The following KLHL14 variants were observed in gnomAD, a reference collection of about 807,000 sequenced individuals.
The protein encoded by KLHL14 is kelch like family member 14.
KLHL14 carries 22 observed loss-of-function variants against 64.3 expected under a neutral mutation model. The observed-to-expected ratio is 0.34, with a 90% CI of 0.24 to 0.49. KLHL14 has a LOEUF of 0.49. Ranked by LOEUF, KLHL14 falls within the 20% of genes least tolerant of loss-of-function variation. KLHL14 has a pLI of 0.99. For missense variants in KLHL14, 661 were observed against 789.0 expected, an observed-to-expected ratio of 0.84 and a Z score of 1.94; for synonymous variants, 322 against 333.4, an observed-to-expected ratio of 0.97 and a Z score of 0.37.
intron 2 of KLHL14, among the ~76,000 whole-genome samples, chr18:32,760,803 A>G (rs1242091968): frequency 6.6e-6 from 1 of 152,242 alleles, no homozygotes; most frequent in Non-Finnish European, 1.5e-5. Flanking sequence ...AAAGACATTT[A>G]TAACTCAACC....
chr18:32,684,722 C>T (rs543169112), intron 5 of KLHL14, among the ~76,000 whole-genome samples: 2 of 152,316 alleles, frequency 1.3e-5, no homozygotes, highest in South Asian at 4.1e-4. Context: ...CATTCATGAT[C>T]TACACAATGT....
intron 3 of KLHL14, among the ~76,000 whole-genome samples, chr18:32,698,982 A>ATGAG (rs1248486614): frequency 6.6e-6 from 1 of 152,210 alleles, no homozygotes; most frequent in Non-Finnish European, 1.5e-5. Flanking sequence ...ACTCTGCAGA[A>ATGAG]TGACTAATCA....
At chr18:32,766,909 C>T (rs2050348891) in intron 2 of KLHL14, among the ~76,000 whole-genome samples, 1 of 152,070 alleles carries the variant, frequency 6.6e-6, no homozygotes. Flanking sequence ...AATATCTCTA[C>T]TTTCTATAGA....
Position 32,769,691 on chromosome 18 carries a change from G to A in KLHL14, c.901C>T (p.His301Tyr). ...CAGTGCTGCCTGAAGGGCATCAGGTGGTAGTTCATGGCGTCCAGCAGCAGC... is the reference window on the plus strand; with the variant it reads ...CAGTGCTGCCTGAAGGGCATCAGGTAGTAGTTCATGGCGTCCAGCAGCAGC... ...QKLLLDAMNY[H>Y]LMPFRQHCRQ... Residue 301 changes from histidine to tyrosine, a missense_variant, in exon 2 of 9, where the codon CAC (histidine) becomes TAC (tyrosine). This residue lies in a region of KLHL14 where 330 missense variants were observed against 450.0 expected (regional missense o/e 0.73). Coordinates refer to ENST00000359358, the MANE Select transcript of KLHL14 (RefSeq NM_020805.3). 1 of 1,565,810 alleles carries A rather than the reference G, an allele frequency of 6.4e-7. No individual in the cohort carries two copies. Among genetic ancestry groups the A allele is most frequent in the Non-Finnish European group, 8.7e-7 (1 of 1,153,310 alleles).
intron 2 of KLHL14, among the ~76,000 whole-genome samples, chr18:32,766,128 A>C (rs1309994095): frequency 1.3e-5 from 2 of 152,018 alleles, no homozygotes; most frequent in African/African-American, 4.8e-5. Flanking sequence ...TCATAATCTT[A>C]ATTCATTCAA....
intron 8 of KLHL14, among the ~76,000 whole-genome samples, chr18:32,676,839 TAC>T (rs2049813530): frequency 6.6e-6 from 1 of 152,188 alleles, no homozygotes; most frequent in Non-Finnish European, 1.5e-5. Context: ...TTTCATGCCT[TAC>T]CGGTCAGAAA....
intron 3 of KLHL14, among the ~76,000 whole-genome samples, chr18:32,717,851 T>C (rs188899415): frequency 2.3e-3 from 352 of 152,362 alleles, no homozygotes; most frequent in Admixed American, 8.3e-3. Flanking sequence ...ATATTTTGAC[T>C]TGACATACTG....
chr18:32,769,514 G>A (rs76613127), intron 2 of KLHL14, 131 bp downstream of exon 2: 115,953 of 798,798 alleles, frequency 0.15, 13,789 homozygotes, highest in East Asian at 0.59. Context: ...AATTGTTTGC[G>A]TTTGTTTTCA....
intron 2 of KLHL14, among the ~76,000 whole-genome samples, chr18:32,759,812 A>T (rs918499312): frequency 2.0e-5 from 3 of 152,050 alleles, no homozygotes; most frequent in African/African-American, 7.3e-5. Context: ...TTGCTATAGT[A>T]ACCAATCCAC....
chr18:32,694,926 AC>A (rs1226876391), intron 4 of KLHL14, among the ~76,000 whole-genome samples: 18 of 152,208 alleles, frequency 1.2e-4, no homozygotes, highest in African/African-American at 4.1e-4. Flanking sequence ...TGATGTAATC[AC>A]ATCTACGGGG....
Position 32,754,929 on chromosome 18 carries a change from A to G in KLHL14, c.948-12880T>C, listed in dbSNP as rs549228160. Among the ~76,000 whole-genome samples the G allele has an allele frequency of 9.9e-5, 15 of 152,258 alleles. No homozygotes were observed. The East Asian group carries it at 2.9e-3, about 29-fold the overall frequency. On this transcript the variant is annotated intron_variant, in intron 2 of 8. Transcript: ENST00000359358. ...GAAATCATCCTGGGGCAAAGATAAA[A>G]GAAGAAGGTTATCCTTATTTTTGTG...
At chr18:32,767,871 C>T (rs142310744) in intron 2 of KLHL14, among the ~76,000 whole-genome samples, 36 of 152,070 alleles carry the variant, frequency 2.4e-4, no homozygotes, top group South Asian at 8.3e-4. Flanking sequence ...GAATTTATAC[C>T]GTGTTATACA....
At position 32,742,115 on chromosome 18, in the gene KLHL14, A is replaced by G. The variant is rs925740737; in HGVS notation, c.948-66T>C. 4 of 1,488,142 alleles carry G rather than the reference A, an allele frequency of 2.7e-6. No individual in the cohort carries two copies. The African/African-American group carries it at 5.7e-5, about 21-fold the overall frequency. The allele number at this position is 1,488,142 out of a possible 1,614,324, so 92.2% of individuals were successfully genotyped here. On this transcript the variant is annotated intron_variant, in intron 2 of 8. Coordinates refer to ENST00000359358, the MANE Select transcript of KLHL14 (RefSeq NM_020805.3). ...TGTAGAGTCTTTTTAGTGGCAACGA[A>G]ATCATAACCATCAAAGAATGTTCCT...
At chr18:32,710,404 G>C (rs1348962793) in intron 3 of KLHL14, among the ~76,000 whole-genome samples, 2 of 152,186 alleles carry the variant, frequency 1.3e-5, no homozygotes, top group Non-Finnish European at 2.9e-5. Flanking sequence ...CATGTGGATA[G>C]GATGAAGTGA....
chr18:32,718,471 G>A (rs560086443), intron 3 of KLHL14, among the ~76,000 whole-genome samples: 2 of 152,292 alleles, frequency 1.3e-5, no homozygotes, highest in Non-Finnish European at 2.9e-5. Flanking sequence ...CAGACTTAGA[G>A]CTGGAAGAGT....
chr18:32,762,738 A>G (rs1316912127), intron 2 of KLHL14, among the ~76,000 whole-genome samples: 3 of 152,166 alleles, frequency 2.0e-5, no homozygotes, highest in East Asian at 3.8e-4. Flanking sequence ...ATTTAAAGAA[A>G]TCATCATTAG....
At chr18:32,764,880 C>T (rs2050332212) in intron 2 of KLHL14, among the ~76,000 whole-genome samples, 1 of 152,146 alleles carries the variant, frequency 6.6e-6, no homozygotes, top group Non-Finnish European at 1.5e-5. Context: ...AAACAACTCT[C>T]CTAATTTTTT....
At position 32,770,509 on chromosome 18, in the gene KLHL14, C is replaced by T. The variant is rs1479094904; in HGVS notation, c.83G>A (p.Arg28Lys). The change falls in exon 2 of 9, where the codon AGG (arginine) becomes AAG (lysine). Residue 28 changes from arginine to lysine, a missense_variant. This residue lies in a region of KLHL14 where 331 missense variants were observed against 339.0 expected (regional missense o/e 0.98). Transcript: ENST00000359358. This position sits in a 1 kb window ranked among gnomAD's most constrained non-coding sequence, Gnocchi z 6.7. ...NLLHGLNLLW[R>K]KQLFCDVTLT... is the part of the protein sequence containing the mutation. Reference sequence around the variant, plus strand: ...GGTCACGTCGCAAAACAGCTGCTTCCTCCACAGCAGGTTGAGGCCGTGCAG... The same window carrying T: ...GGTCACGTCGCAAAACAGCTGCTTCTTCCACAGCAGGTTGAGGCCGTGCAG... 1 of 1,610,770 alleles carries T rather than the reference C, an allele frequency of 6.2e-7. No individual in the cohort carries two copies. The highest frequency in any genetic ancestry group is 8.5e-7 in the Non-Finnish European group (1 of 1,179,732).
Position 32,673,003 on chromosome 18 carries a change from C to T in KLHL14, c.*1654G>A, listed in dbSNP as rs1450059090. 6.6e-6 allele frequency: 1 copy of T among 152,360 alleles called. No homozygotes were observed. Among genetic ancestry groups the T allele is most frequent in the East Asian group, 1.9e-4 (1 of 5,190 alleles). The allele number at this position is 152,360 out of a possible 1,614,324, so 9.4% of individuals were successfully genotyped here. On this transcript the variant is annotated 3_prime_UTR_variant, in exon 9 of 9. Transcript: ENST00000359358. ...TATTCATGATGTCAGCTGAGATTTT[C>T]CCACAGAGTACTGTAACTTTTCTTT...
Sources: allele counts gnomAD v4.1 joint callset (sites outside exome capture counted in the v4.1 genomes callset), GRCh38; gene constraint gnomAD v4.1.1; regional missense constraint gnomAD v4.1.1; non-coding constraint Gnocchi (gnomAD v3.1); transcripts MANE v1.5; gene names NCBI Gene and HGNC (gene_info 2026-07-23, HGNC 2026-07-21).